PCGF3: variants seen among roughly 807,000 people sequenced by gnomAD.
PCGF3 encodes the protein polycomb group ring finger 3.
A neutral mutation model predicts 33.1 loss-of-function variants in PCGF3; 7 were observed. The observed-to-expected ratio is 0.21, with a 90% CI of 0.12 to 0.40. The LOEUF (loss-of-function observed/expected upper bound fraction) is 0.40, where lower values mean the gene tolerates loss of function less well. Ranked by LOEUF, PCGF3 falls within the 10% of genes least tolerant of loss-of-function variation. PCGF3 has a pLI of 1.00. For synonymous variants in PCGF3, 153 were observed against 121.3 expected (o/e 1.26, Z -1.72); for missense variants, 211 against 313.3 (o/e 0.67, Z 2.46).
chr4:761,253 G>A (rs373746353), intron 8 of PCGF3, 26 bp from the exon 9 acceptor site: 21 of 1,553,554 alleles, frequency 1.4e-5, no homozygotes, highest in Admixed American at 7.8e-5. Flanking sequence ...CTCCTGCTGC[G>A]CTCTCACCAG....
intron 1 of PCGF3, among the ~76,000 whole-genome samples, chr4:716,080 C>T (rs1484641770): frequency 1.4e-5 from 2 of 139,998 alleles, no homozygotes; most frequent in Admixed American, 7.2e-5. Context: ...AGTGTGAGAA[C>T]CGGGCATCGG....
At chr4:765,574 T>C (rs1223278504) in intron 10 of PCGF3, among the ~76,000 whole-genome samples, 1 of 152,240 alleles carries the variant, frequency 6.6e-6, no homozygotes, top group Non-Finnish European at 1.5e-5. Flanking sequence ...GGGAAAGTGC[T>C]GAGGCCATGA....
intron 8 of PCGF3, chr4:757,369 C>G (rs747742944): frequency 6.6e-6 from 1 of 152,252 alleles, no homozygotes; most frequent in Non-Finnish European, 1.5e-5. Flanking sequence ...AGGGTGCGTC[C>G]GCTGCTTATA....
chr4:742,309 A>G (rs1744130799), intron 6 of PCGF3, among the ~76,000 whole-genome samples: 1 of 151,988 alleles, frequency 6.6e-6, no homozygotes, highest in Admixed American at 6.5e-5. Context: ...TCACGCGGGC[A>G]TTGGTCCCTG....
intron 9 of PCGF3, chr4:762,556 TG>T (rs1745119135): frequency 6.6e-6 from 1 of 152,332 alleles, no homozygotes; most frequent in African/African-American, 2.4e-5. Context: ...GGCCAGCATG[TG>T]TTCTCACTTC....
intron 1 of PCGF3, among the ~76,000 whole-genome samples, chr4:725,582 C>G (rs1208758085): frequency 1.4e-3 from 204 of 147,062 alleles, no homozygotes; most frequent in African/African-American, 4.9e-3. Context: ...CCGAAGGCTG[C>G]TGTGGGCTCT....
exon 11 of PCGF3, chr4:769,646 CCCTCCAGGTGTCCTTCGCACCCAA>C (rs1319989165): frequency 1.2e-4 from 18 of 152,622 alleles, no homozygotes; most frequent in Admixed American, 1.2e-3. Context: ...GTCTCCCTCA[CCCTCCAGGTGTCCTTCGCACCCAA>C]CAGTGCGTCT....
At chr4:752,594 C>T (rs990518415) in intron 8 of PCGF3, among the ~76,000 whole-genome samples, 8 of 152,112 alleles carry the variant, frequency 5.3e-5, no homozygotes, top group Non-Finnish European at 1.0e-4. Flanking sequence ...AGGTGGGGGA[C>T]GGGCCTGCTG....
intron 9 of PCGF3, 84 bp downstream of exon 9, chr4:761,500 TTTTG>T (rs1469872871): frequency 6.9e-7 from 1 of 1,456,436 alleles, no homozygotes; most frequent in Non-Finnish European, 9.2e-7. Context: ...CTTAGTTTTG[TTTTG>T]TTTTTAACAA....
At chr4:733,250 G>T (rs2109609638) in intron 3 of PCGF3, among the ~76,000 whole-genome samples, 1 of 152,360 alleles carries the variant, frequency 6.6e-6, no homozygotes, top group South Asian at 2.1e-4. Flanking sequence ...GCCGCAGAGG[G>T]TCCAGGTGCC....
At chr4:717,606 C>T (rs1742911266) in intron 1 of PCGF3, among the ~76,000 whole-genome samples, 1 of 152,186 alleles carries the variant, frequency 6.6e-6, no homozygotes, top group Non-Finnish European at 1.5e-5. Context: ...TCTCAAGCCC[C>T]TGACCTCGTG....
At chr4:730,908 G>T in intron 2 of PCGF3, 62 bp from the exon 3 acceptor site, 1 of 397,716 alleles carries the variant, frequency 2.5e-6, no homozygotes, top group South Asian at 1.3e-4. Context: ...AGGAATGGCG[G>T]AGTTGTGGCA....
At chr4:766,754 C>T (rs1745395581) in exon 11 of PCGF3, 3 of 152,334 alleles carry the variant, frequency 2.0e-5, no homozygotes, top group South Asian at 4.1e-4. Context: ...CTGTGGCTGA[C>T]ACACCCAGCC....
chr4:711,443 C>CTT (rs201359627), intron 1 of PCGF3, among the ~76,000 whole-genome samples: 4,388 of 122,210 alleles, frequency 0.036, 287 homozygotes, highest in East Asian at 0.083. Flanking sequence ...TGTAATTTTT[C>CTT]TTTTTTTTTT....
chr4:756,581 AT>A (rs1307936312), intron 8 of PCGF3, among the ~76,000 whole-genome samples: 1 of 152,154 alleles, frequency 6.6e-6, no homozygotes, highest in Non-Finnish European at 1.5e-5. Flanking sequence ...TATTAAAATA[AT>A]TCTAGAATTT....
chr4:740,295 G>T (rs970795637), intron 6 of PCGF3, among the ~76,000 whole-genome samples: 2 of 152,254 alleles, frequency 1.3e-5, no homozygotes, highest in African/African-American at 2.4e-5. Context: ...CACATGGTGG[G>T]GGCTTGCTGG....
chr4:761,641 A>G (rs1162746483), intron 9 of PCGF3: 1 of 983,528 alleles, frequency 1.0e-6, no homozygotes, highest in Non-Finnish European at 1.2e-6. Context: ...TGAGTGGAAG[A>G]GAGAACTAGG....
At chr4:727,810 C>T (rs1320817766) in intron 1 of PCGF3, among the ~76,000 whole-genome samples, 2 of 152,032 alleles carry the variant, frequency 1.3e-5, no homozygotes, top group South Asian at 4.1e-4. Context: ...GAGTTCTTTC[C>T]GTCTGCCATG....
intron 8 of PCGF3, among the ~76,000 whole-genome samples, chr4:757,963 TC>T (rs780726670): frequency 1.8e-4 from 27 of 151,902 alleles, no homozygotes; most frequent in Non-Finnish European, 3.5e-4. Flanking sequence ...GGTCAGGAGA[TC>T]AAGACCATTC....
Sources: gnomAD v4.1 joint callset for allele counts (sites outside exome capture counted in the v4.1 genomes callset) on GRCh38, gnomAD v4.1.1 for gene constraint, MANE v1.5 for transcripts, NCBI Gene and HGNC (gene_info 2026-07-23, HGNC 2026-07-21) for gene names.